The following VWC2 variants were observed in gnomAD, a reference collection of about 807,000 sequenced individuals.
VWC2 encodes brorin.
Under a neutral mutation model 29.8 loss-of-function variants are expected in VWC2, and 14 were observed. That is an observed-to-expected ratio of 0.47 (90% CI 0.31 to 0.74). VWC2 has a LOEUF of 0.74. VWC2 is among the 30% of genes least tolerant of loss of function. VWC2 has a pLI of 0.05. For missense variants in VWC2, 457 were observed against 459.8 expected (o/e 0.99, Z 0.05); for synonymous variants, 213 against 199.0 (o/e 1.07, Z -0.59).
At chr7:49,775,257 AGCCCGGGTGGGGGCCGCGGCGGGCCGGG>A (rs1788024488) in intron 1 of VWC2, 48 bp from the exon 2 acceptor site, 1 of 305,768 alleles carries the variant, frequency 3.3e-6, no homozygotes, top group East Asian at 6.0e-5. Flanking sequence ...GCTATGCCGG[AGCCCGGGTGGGGGCCGCGGCGGGCCGGG>A]GCGCGCGCGG....
Position 49,802,773 on chromosome 7 carries a change from G to A in VWC2, c.759G>A (p.Ala253=), listed in dbSNP as rs972900711. Residue 253 remains alanine (A), a synonymous_variant, in exon 3 of 4, where the codon GCG becomes GCA. Transcript: ENST00000340652. ...ANGEVLCTVS[A]CPQTECVDPV... ...GTGAGGTGCTATGCACAGTGTCAGC[G>A]TGTCCCCAGACGGAGTGTGTGGACC... 6 of 1,614,076 alleles carry A rather than the reference G, an allele frequency of 3.7e-6. No homozygotes were observed. Among genetic ancestry groups the A allele is most frequent in the Admixed American group, 1.7e-5 (1 of 60,010 alleles).
Position 49,776,050 on chromosome 7 carries a change from C to T in VWC2, c.615C>T (p.Ser205=), listed in dbSNP as rs1322846355. ...LHPRCIHVDT[S]QCCPQCKERK... ...CGCGCTGCATCCACGTCGACACGAG[C>T]CAGTGCTGCCCGCAGTGCAAGGAGA... is the stretch of plus-strand genomic sequence containing the variant. The change falls in exon 2 of 4, where the codon AGC becomes AGT. Residue 205 remains serine, a synonymous_variant. Transcript: ENST00000340652. 3.2e-6 allele frequency: 5 copies of T among 1,552,296 alleles called. No individual in the cohort carries two copies. In the South Asian group the frequency reaches 5.9e-5, roughly 18 times the overall value.
chr7:49,875,935 T>C (rs1791396183), intron 3 of VWC2, among the ~76,000 whole-genome samples: 1 of 152,174 alleles, frequency 6.6e-6, no homozygotes, highest in African/African-American at 2.4e-5. Context: ...GTTTAATACA[T>C]AGTGGCTGGA....
chr7:49,854,593 T>A (rs1378629823), intron 3 of VWC2, among the ~76,000 whole-genome samples: 1 of 152,242 alleles, frequency 6.6e-6, no homozygotes, highest in Non-Finnish European at 1.5e-5. Flanking sequence ...GTTTGAGTTC[T>A]TTGCAGATTC....
At chr7:49,785,952 A>T (rs1037867338) in intron 2 of VWC2, among the ~76,000 whole-genome samples, 1 of 152,242 alleles carries the variant, frequency 6.6e-6, no homozygotes, top group East Asian at 1.9e-4. Context: ...TTAACTGTTT[A>T]CTAAGCTGTA....
At chr7:49,851,630 C>A (rs1216885848) in intron 3 of VWC2, among the ~76,000 whole-genome samples, 2 of 152,128 alleles carry the variant, frequency 1.3e-5, no homozygotes, top group Non-Finnish European at 2.9e-5. Context: ...GAGGCCGAGG[C>A]GGGTGGATCA....
rs780020277 is a variant in VWC2, at chr7:49,775,845, C to G, written c.410C>G (p.Pro137Arg). 5.3e-5 allele frequency: 82 copies of G among 1,550,898 alleles called. No individual in the cohort carries two copies. The African/African-American group carries it at 1.1e-3, about 20-fold the overall frequency. Residue 137 changes from proline (P) to arginine (R), a missense_variant, in exon 2 of 4, where the codon CCC becomes CGC. Physicochemically the swap from Pro to Arg is moderately radical, Grantham distance 103. This residue lies in a region of VWC2 where 272 missense variants were observed against 202.7 expected (regional missense o/e 1.34). Transcript: ENST00000340652. ...AQDAIGPELA[P>R]TPEPPEEYVY... is the part of the protein sequence containing the mutation. ...GACGCGATTGGCCCGGAACTCGCGC[C>G]CACGCCCGAGCCACCCGAGGAGTAC...
chr7:49,797,775 A>G (rs1788628767), intron 2 of VWC2, among the ~76,000 whole-genome samples: 1 of 152,226 alleles, frequency 6.6e-6, no homozygotes, highest in Non-Finnish European at 1.5e-5. Flanking sequence ...CTTTGGATCC[A>G]ACAAATTTTT....
At chr7:49,810,064 G>A (rs1236050695) in intron 3 of VWC2, among the ~76,000 whole-genome samples, 1 of 151,810 alleles carries the variant, frequency 6.6e-6, no homozygotes, top group Admixed American at 6.6e-5. Flanking sequence ...AAATTAAGAA[G>A]TATAACTGCC....
At chr7:49,845,498 G>T (rs1327863193) in intron 3 of VWC2, among the ~76,000 whole-genome samples, 1 of 152,186 alleles carries the variant, frequency 6.6e-6, no homozygotes, top group Non-Finnish European at 1.5e-5. Context: ...ACACTGAAAT[G>T]TAGAATGGTG....
intron 2 of VWC2, among the ~76,000 whole-genome samples, chr7:49,781,010 T>G (rs1208130597): frequency 2.0e-5 from 3 of 152,252 alleles, no homozygotes; most frequent in South Asian, 2.1e-4. Context: ...GCTACGGTTA[T>G]TCACACTTTT....
rs534923625 is a variant in VWC2, at chr7:49,873,264, A to G, written c.827-38770A>G. Among the ~76,000 whole-genome samples, 17 of 152,336 alleles carry G rather than the reference A, an allele frequency of 1.1e-4. No homozygotes were observed. The South Asian group carries it at 3.3e-3, about 30-fold the overall frequency. On this transcript the variant is annotated intron_variant, in intron 3 of 3. Coordinates refer to ENST00000340652, the MANE Select transcript of VWC2 (RefSeq NM_198570.5). ...TACAGTTTTGGTGGCTGGAAGTCCA[A>G]TATCAAGAGGCCTGCAGATTCAGTG...
At chr7:49,832,133 G>A (rs188460992) in intron 3 of VWC2, among the ~76,000 whole-genome samples, 13 of 152,228 alleles carry the variant, frequency 8.5e-5, no homozygotes, top group Admixed American at 8.5e-4. Flanking sequence ...GAATTTGCAA[G>A]GTCTTTGTCT....
intron 3 of VWC2, among the ~76,000 whole-genome samples, chr7:49,877,530 A>G (rs1409171425): frequency 4.6e-5 from 5 of 107,772 alleles, no homozygotes; most frequent in African/African-American, 1.7e-4. Context: ...TTATTTGGTC[A>G]CTTGCTTACC....
At chr7:49,900,656 C>A (rs1792673444) in intron 3 of VWC2, among the ~76,000 whole-genome samples, 1 of 151,702 alleles carries the variant, frequency 6.6e-6, no homozygotes, top group South Asian at 2.1e-4. Context: ...GAGATATAAT[C>A]AATAATTAAC....
intron 3 of VWC2, among the ~76,000 whole-genome samples, chr7:49,808,847 A>G (rs1259556683): frequency 6.6e-6 from 1 of 152,046 alleles, no homozygotes; most frequent in Non-Finnish European, 1.5e-5. Context: ...TAATGAAAAC[A>G]GAATGCACTA....
intron 3 of VWC2, among the ~76,000 whole-genome samples, chr7:49,885,916 C>T (rs532435386): frequency 2.6e-5 from 4 of 152,348 alleles, no homozygotes; most frequent in East Asian, 3.9e-4. Flanking sequence ...TCAAGACCTC[C>T]GTGATTCTGG....
intron 3 of VWC2, among the ~76,000 whole-genome samples, chr7:49,911,110 GAATT>G (rs1562769943): frequency 2.6e-5 from 4 of 152,144 alleles, no homozygotes; most frequent in African/African-American, 7.2e-5. Flanking sequence ...TGAGTATTTA[GAATT>G]AATTAAACGA....
intron 3 of VWC2, among the ~76,000 whole-genome samples, chr7:49,852,758 C>T (rs1327855971): frequency 6.6e-6 from 1 of 152,146 alleles, no homozygotes; most frequent in Non-Finnish European, 1.5e-5. Flanking sequence ...TCAACTTCTT[C>T]CAAACCCTGG....
Sources: gnomAD v4.1 joint callset for allele counts (sites outside exome capture counted in the v4.1 genomes callset) on GRCh38, gnomAD v4.1.1 for gene constraint, gnomAD v4.1.1 regional missense constraint, MANE v1.5 for transcripts, NCBI Gene and HGNC (gene_info 2026-07-23, HGNC 2026-07-21) for gene names.